Variants in FNBP1L observed in about 807,000 individuals in gnomAD.
FNBP1L encodes the protein formin binding protein 1 like, also known as formin-binding protein 1-like.
In FNBP1L, 36 loss-of-function variants were observed where a neutral mutation model predicts 91.2. The observed-to-expected ratio is 0.39, with a 90% CI of 0.30 to 0.52. The LOEUF (loss-of-function observed/expected upper bound fraction) is 0.52, where lower values mean the gene tolerates loss of function less well. Ranked by LOEUF, FNBP1L falls within the 20% of genes least tolerant of loss-of-function variation. The pLI, the probability that FNBP1L is intolerant of heterozygous loss-of-function variation, is 0.66. For missense variants in FNBP1L, 571 were observed against 732.1 expected (o/e 0.78, Z 2.54); for synonymous variants, 242 against 237.0 (o/e 1.02, Z -0.19).
intron 4 of FNBP1L, among the ~76,000 whole-genome samples, chr1:93,523,954 A>T (rs1318889504): frequency 6.6e-6 from 1 of 152,178 alleles, no homozygotes; most frequent in South Asian, 2.1e-4. Context: ...TGCAATATTT[A>T]TCTGACCTTG....
At chr1:93,539,432 A>G (rs1039639049) in intron 10 of FNBP1L, among the ~76,000 whole-genome samples, 1 of 151,938 alleles carries the variant, frequency 6.6e-6, no homozygotes, top group Non-Finnish European at 1.5e-5. Flanking sequence ...ATATTTTTAC[A>G]AAGAACTTGA....
At chr1:93,549,242 A>C in intron 14 of FNBP1L, 36 bp from the exon 15 acceptor site, 5 of 1,547,590 alleles carry the variant, frequency 3.2e-6, no homozygotes, top group Non-Finnish European at 4.4e-6. Context: ...TCTCATGTTT[A>C]TGATACTTGA....
At chr1:93,514,211 G>C (rs1670980474) in intron 2 of FNBP1L, among the ~76,000 whole-genome samples, 1 of 152,110 alleles carries the variant, frequency 6.6e-6, no homozygotes, top group African/African-American at 2.4e-5. Flanking sequence ...ACTTAACAAG[G>C]GATGTGAAGG....
At chr1:93,459,713 C>A (rs1019218562) in intron 1 of FNBP1L, among the ~76,000 whole-genome samples, 1 of 152,162 alleles carries the variant, frequency 6.6e-6, no homozygotes, top group Admixed American at 6.5e-5. Flanking sequence ...TAGCATCCCA[C>A]TTCTGTGTAT....
At chr1:93,496,242 C>CCCTTCCTTCTCCTCTTTTT (rs1670256683) in intron 1 of FNBP1L, among the ~76,000 whole-genome samples, 3 of 151,648 alleles carry the variant, frequency 2.0e-5, no homozygotes, top group Admixed American at 2.0e-4. Context: ...CCCCACCTCC[C>CCCTTCCTTCTCCTCTTTTT]CCTTCCTTCT....
In FNBP1L at chr1:93,513,832, T is replaced by C. The variant is rs1012796869; in HGVS notation, c.141-8250T>C. Among the ~76,000 whole-genome samples the C allele has an allele frequency of 5.9e-5, 9 of 152,102 alleles. 1 individual carries two copies. The highest frequency in any genetic ancestry group is 2.2e-4 in the African/African-American group (9 of 41,432). On this transcript the variant is annotated intron_variant, in intron 2 of 16. Transcript: ENST00000271234. ...AATATCATACTGAATGGGCAAAAAC[T>C]GGAAGCATTCCCTTTGAAAACTGGC...
intron 2 of FNBP1L, among the ~76,000 whole-genome samples, chr1:93,519,058 TG>T (rs1459063322): frequency 2.0e-5 from 3 of 152,238 alleles, no homozygotes; most frequent in African/African-American, 7.2e-5. Context: ...GTCTAGTATC[TG>T]AAATAATTAA....
chr1:93,458,121 A>G (rs1023524908), intron 1 of FNBP1L, among the ~76,000 whole-genome samples: 31 of 144,452 alleles, frequency 2.1e-4, no homozygotes, highest in Non-Finnish European at 2.8e-4. Flanking sequence ...TAAGTTTTTA[A>G]TTTTTGCTAT....
chr1:93,523,291 C>G (rs1671391589), intron 3 of FNBP1L, 53 bp from the exon 4 acceptor site: 1 of 1,534,982 alleles, frequency 6.5e-7, no homozygotes, highest in South Asian at 1.3e-5. Context: ...ACCTCACCAA[C>G]ATTTGTAATG....
intron 1 of FNBP1L, among the ~76,000 whole-genome samples, chr1:93,458,069 C>T (rs1295352311): frequency 1.3e-5 from 2 of 152,230 alleles, no homozygotes; most frequent in South Asian, 2.1e-4. Flanking sequence ...GGATTACAGG[C>T]GTGAGCCACG....
intron 2 of FNBP1L, among the ~76,000 whole-genome samples, chr1:93,517,973 AT>A (rs1671189590): frequency 6.6e-6 from 1 of 152,202 alleles, no homozygotes; most frequent in African/African-American, 2.4e-5. Flanking sequence ...TAAGCATAAG[AT>A]TATATATAAA....
At chr1:93,453,704 A>G (rs1185119538) in intron 1 of FNBP1L, among the ~76,000 whole-genome samples, 1 of 152,214 alleles carries the variant, frequency 6.6e-6, no homozygotes, top group South Asian at 2.1e-4. Flanking sequence ...CTGGTAGGAA[A>G]GGTTATGTAA....
chr1:93,524,377 C>T, intron 5 of FNBP1L, 54 bp downstream of exon 5: 1 of 1,287,250 alleles, frequency 7.8e-7, no homozygotes, highest in Non-Finnish European at 1.0e-6. Flanking sequence ...TAGATTAGCC[C>T]TAAATACTTT....
chr1:93,457,613 T>C (rs1032965093), intron 1 of FNBP1L, among the ~76,000 whole-genome samples: 1 of 152,174 alleles, frequency 6.6e-6, no homozygotes, highest in Non-Finnish European at 1.5e-5. Context: ...TTCTCCTTTT[T>C]ACTTCACGTT....
intron 1 of FNBP1L, among the ~76,000 whole-genome samples, chr1:93,466,589 G>A (rs1256973222): frequency 6.6e-6 from 1 of 152,180 alleles, no homozygotes; most frequent in Non-Finnish European, 1.5e-5. Context: ...GTACCATGCT[G>A]TTTTGGTTAC....
chr1:93,476,415 C>G (rs1036442355), intron 1 of FNBP1L, among the ~76,000 whole-genome samples: 2 of 152,122 alleles, frequency 1.3e-5, no homozygotes, highest in Non-Finnish European at 2.9e-5. Flanking sequence ...CAACACAGTG[C>G]TTGGCACTGG....
In FNBP1L at chr1:93,549,346, A is replaced by G. The variant is rs376844887; in HGVS notation, c.1571A>G (p.His524Arg). The G allele has an allele frequency of 1.2e-6, 2 of 1,612,896 alleles. No homozygotes were observed. Among genetic ancestry groups the G allele is most frequent in the African/African-American group, 2.7e-5 (2 of 74,868 alleles). The change falls in exon 15 of 17, where the codon CAC becomes CGC. Residue 524 changes from histidine (H) to arginine (R), a missense_variant. His to Arg is a conservative substitution (Grantham distance 29). Coordinates refer to ENST00000271234, the MANE Select transcript of FNBP1L (RefSeq NM_001164473.3). ...VRGPPQQHGHHNEFDDEFEDD... is the reference protein window; with the variant it reads ...VRGPPQQHGHRNEFDDEFEDD... ...GGGCCACCCCAGCAGCATGGTCACC[A>G]CAATGAGTTTGATGATGAATTTGAG... is the stretch of plus-strand genomic sequence containing the variant.
chr1:93,552,518 G>A lies in FNBP1L; in HGVS notation c.*102G>A. The A allele has an allele frequency of 4.5e-6, 6 of 1,343,724 alleles. No homozygotes were observed. Among genetic ancestry groups the A allele is most frequent in the Non-Finnish European group, 6.1e-6 (6 of 976,996 alleles). 83.2% of individuals were successfully genotyped at this position (1,343,724 alleles called of 1,614,324 possible). ...GTCAGGCTCAAAGAGAGTGAGAGAA[G>A]CAAGTTGCATGAGTGCATGCAGACA... is the stretch of plus-strand genomic sequence containing the variant. On this transcript the variant is annotated 3_prime_UTR_variant, in exon 17 of 17. Transcript: ENST00000271234.
chr1:93,469,373 A>T (rs900319094), intron 1 of FNBP1L, among the ~76,000 whole-genome samples: 4 of 151,924 alleles, frequency 2.6e-5, no homozygotes, highest in Admixed American at 2.6e-4. Context: ...GCTGAGAATG[A>T]TGGTTTCCAG....
Sources: allele counts gnomAD v4.1 joint callset (sites outside exome capture counted in the v4.1 genomes callset), GRCh38; gene constraint gnomAD v4.1.1; transcripts MANE v1.5; gene names NCBI Gene and HGNC (gene_info 2026-07-23, HGNC 2026-07-21).